The following PDE4D variants were observed in gnomAD, a reference collection of about 807,000 sequenced individuals.
PDE4D encodes phosphodiesterase 4D, also known as 3',5'-cyclic-AMP phosphodiesterase 4D.
In PDE4D, 24 loss-of-function variants were observed where a neutral mutation model predicts 87.4. The observed-to-expected ratio is 0.27, with a 90% confidence interval of 0.20 to 0.39. PDE4D has a LOEUF of 0.39. PDE4D is among the 10% of genes least tolerant of loss of function. The probability of loss-of-function intolerance (pLI) is 1.00; values close to 1 mark genes in which losing one functional copy is unlikely to be tolerated. For missense variants in PDE4D, 714 were observed against 1,041.0 expected, an observed-to-expected ratio of 0.69 and a Z score of 4.32; for synonymous variants, 384 against 383.2, an observed-to-expected ratio of 1.00 and a Z score of -0.02.
chr5:59,180,503 G>T (rs1581225638), intron 5 of PDE4D, 92 bp downstream of exon 5: 2 of 943,388 alleles, frequency 2.1e-6, no homozygotes, highest in Non-Finnish European at 3.4e-6. Context: ...TTTTCAAATT[G>T]CAGCATGAAA....
intron 1 of PDE4D, among the ~76,000 whole-genome samples, chr5:60,265,267 A>AG (rs1399367345): frequency 6.6e-6 from 1 of 152,222 alleles, no homozygotes; most frequent in African/African-American, 2.4e-5. Flanking sequence ...AAAGGTGAAC[A>AG]GGCAGGGCCT....
chr5:59,149,489 A>G (rs1779145990), intron 5 of PDE4D, among the ~76,000 whole-genome samples: 1 of 152,134 alleles, frequency 6.6e-6, no homozygotes, highest in East Asian at 1.9e-4. Flanking sequence ...ACCACAAGGG[A>G]ACCTTAGAGT....
At chr5:59,850,944 T>C (rs985104571) in intron 1 of PDE4D, among the ~76,000 whole-genome samples, 1 of 152,080 alleles carries the variant, frequency 6.6e-6, no homozygotes, top group Non-Finnish European at 1.5e-5. Flanking sequence ...GCCCAGATGA[T>C]ATTTGCCTCC....
intron 1 of PDE4D, among the ~76,000 whole-genome samples, chr5:59,553,682 T>G (rs1395588667): frequency 6.6e-6 from 1 of 152,136 alleles, no homozygotes; most frequent in Non-Finnish European, 1.5e-5. Context: ...AAATGAATGC[T>G]TGGTGAGATT....
chr5:59,511,479 T>C (rs1810271613), intron 1 of PDE4D, among the ~76,000 whole-genome samples: 1 of 151,974 alleles, frequency 6.6e-6, no homozygotes, highest in Admixed American at 6.6e-5. Flanking sequence ...ATTTTCAAAG[T>C]CTTTTTCTAT....
intron 3 of PDE4D, among the ~76,000 whole-genome samples, chr5:59,969,691 C>T (rs1464169510): frequency 2.0e-5 from 3 of 152,118 alleles, no homozygotes; most frequent in African/African-American, 4.8e-5. Flanking sequence ...CCATACTGTT[C>T]TCGTGATAGT....
intron 1 of PDE4D, among the ~76,000 whole-genome samples, chr5:59,361,544 A>T (rs924518783): frequency 3.9e-5 from 6 of 152,202 alleles, no homozygotes; most frequent in African/African-American, 1.4e-4. Context: ...AGTGGTGGAT[A>T]TAGGATTACA....
At chr5:59,532,222 C>T (rs1814367364) in intron 1 of PDE4D, among the ~76,000 whole-genome samples, 2 of 152,262 alleles carry the variant, frequency 1.3e-5, no homozygotes, top group African/African-American at 2.4e-5. Context: ...GTAACCTCTG[C>T]CTCCTGGGTT....
intron 1 of PDE4D, among the ~76,000 whole-genome samples, chr5:60,352,452 G>C (rs140790461): frequency 6.6e-6 from 1 of 152,336 alleles, no homozygotes; most frequent in South Asian, 2.1e-4. Context: ...GATGAGGTAA[G>C]ACCAAGAGCG....
chr5:59,540,380 C>A (rs888583997), intron 1 of PDE4D, among the ~76,000 whole-genome samples: 3 of 151,718 alleles, frequency 2.0e-5, no homozygotes, highest in Non-Finnish European at 4.4e-5. Context: ...AACCAAAAAA[C>A]AGAAAAAAAG....
chr5:60,047,161 G>T (rs999591802), intron 2 of PDE4D, among the ~76,000 whole-genome samples: 126 of 152,322 alleles, frequency 8.3e-4, no homozygotes, highest in African/African-American at 2.7e-3. Context: ...GCGTAGAGGT[G>T]TTTGTAGTAT....
intron 1 of PDE4D, among the ~76,000 whole-genome samples, chr5:59,840,836 G>C (rs368587034): frequency 3.3e-5 from 5 of 152,056 alleles, no homozygotes; most frequent in African/African-American, 9.7e-5. Context: ...TGAAGTAACT[G>C]TCTGGTGTAG....
At chr5:59,545,277 C>T (rs1055723568) in intron 1 of PDE4D, among the ~76,000 whole-genome samples, 12 of 152,200 alleles carry the variant, frequency 7.9e-5, no homozygotes, top group Admixed American at 4.6e-4. Context: ...GAAGTAGATG[C>T]AGGCCATGCA....
chr5:59,797,539 G>A (rs1399907410), intron 1 of PDE4D, among the ~76,000 whole-genome samples: 4 of 152,126 alleles, frequency 2.6e-5, no homozygotes, highest in African/African-American at 9.7e-5. Context: ...TACCCTGTCC[G>A]TTCTTGAGGA....
At chr5:60,247,552 GA>G (rs58856973) in intron 1 of PDE4D, among the ~76,000 whole-genome samples, 123,117 of 151,706 alleles carry the variant, frequency 0.81, 50,263 homozygotes, top group East Asian at 0.91. Context: ...AAACCACATG[GA>G]AAAAAATATA....
chr5:59,181,964 G>A (rs2153478884), intron 4 of PDE4D, among the ~76,000 whole-genome samples: 1 of 152,144 alleles, frequency 6.6e-6, no homozygotes, highest in South Asian at 2.1e-4. Context: ...GGGAAAGTTG[G>A]GGAAAGCAGC....
At chr5:60,003,620 A>G (rs1764201570) in intron 2 of PDE4D, among the ~76,000 whole-genome samples, 1 of 151,266 alleles carries the variant, frequency 6.6e-6, no homozygotes, top group African/African-American at 2.4e-5. Flanking sequence ...TGAGGCAGAG[A>G]ATTGCTTGAA....
intron 1 of PDE4D, among the ~76,000 whole-genome samples, chr5:60,384,010 A>G (rs1762039861): frequency 6.6e-6 from 1 of 152,206 alleles, no homozygotes; most frequent in Admixed American, 6.5e-5. Flanking sequence ...TTAACCACAA[A>G]TAACTAAATA....
intron 1 of PDE4D, among the ~76,000 whole-genome samples, chr5:59,744,976 CAA>C (rs1378630919): frequency 6.6e-6 from 1 of 152,122 alleles, no homozygotes; most frequent in East Asian, 1.9e-4. Flanking sequence ...AGTCAAAAAA[CAA>C]GATGGACATA....
Sources: gnomAD v4.1 joint callset for allele counts (sites outside exome capture counted in the v4.1 genomes callset) on GRCh38, gnomAD v4.1.1 for gene constraint, MANE v1.5 for transcripts, NCBI Gene and HGNC (gene_info 2026-07-23, HGNC 2026-07-21) for gene names.